XKR6: variants seen among roughly 807,000 people sequenced by gnomAD.
XKR6 encodes the protein XK related 6.
In XKR6, 22 loss-of-function variants were observed where a neutral mutation model predicts 56.7. The ratio of observed to expected loss-of-function variants is 0.39; its 90% CI spans 0.28 to 0.55. The LOEUF is 0.55. Among genes scored for constraint, XKR6 ranks in the 20% least tolerant of loss-of-function variants. XKR6 has a pLI of 0.66. For synonymous variants in XKR6, 524 were observed against 387.8 expected, an observed-to-expected ratio of 1.35 and a Z score of -4.13; for missense variants, 852 against 889.0, an observed-to-expected ratio of 0.96 and a Z score of 0.53.
At position 11,080,965 on chromosome 8, in the gene XKR6, G is replaced by A. The variant is rs117128854; in HGVS notation, c.764+119611C>T. 2.6e-3 allele frequency among the ~76,000 whole-genome samples: 392 copies of A among 152,286 alleles called. 1 individual carries two copies. The highest frequency in any genetic ancestry group is 4.1e-3 in the Admixed American group (63 of 15,296). ...ATGACAAGGAGAAAAAAATTCACAG[G>A]ACATATCAATGGCAAATAATCAAGA... On this transcript the variant is annotated intron_variant, in intron 1 of 2. Coordinates refer to ENST00000416569, the MANE Select transcript of XKR6 (RefSeq NM_173683.4).
chr8:11,092,192 G>C (rs1323437169), intron 1 of XKR6, among the ~76,000 whole-genome samples: 2 of 152,204 alleles, frequency 1.3e-5, no homozygotes, highest in African/African-American at 4.8e-5. Flanking sequence ...TGCGATAAGG[G>C]ACTGTGAACT....
intron 1 of XKR6, chr8:11,106,513 G>C (rs1798681837): frequency 6.6e-6 from 1 of 152,334 alleles, no homozygotes; most frequent in African/African-American, 2.4e-5. Context: ...CAGATGTCCA[G>C]TGGAGACAAC....
intron 1 of XKR6, among the ~76,000 whole-genome samples, chr8:10,959,286 A>C (rs1801991579): frequency 6.6e-6 from 1 of 152,076 alleles, no homozygotes; most frequent in Non-Finnish European, 1.5e-5. Context: ...GCCATGTAGA[A>C]AGGGACACTG....
intron 2 of XKR6, 132 bp from the exon 3 acceptor site, chr8:10,899,048 A>T: frequency 1.4e-6 from 2 of 1,387,322 alleles, no homozygotes; most frequent in Non-Finnish European, 1.9e-6. Context: ...ACACAGAATC[A>T]GGAACCGAAC....
intron 1 of XKR6, among the ~76,000 whole-genome samples, chr8:11,172,577 G>A (rs1315549602): frequency 1.3e-5 from 2 of 152,270 alleles, no homozygotes; most frequent in East Asian, 3.9e-4. Context: ...TGACCTCCCT[G>A]TTCTGAGCAG....
intron 1 of XKR6, among the ~76,000 whole-genome samples, chr8:11,001,197 G>A (rs1299527667): frequency 6.6e-6 from 1 of 152,322 alleles, no homozygotes; most frequent in South Asian, 2.1e-4. Flanking sequence ...CCACAACTCA[G>A]TGAAGGAAGA....
At chr8:10,971,607 A>C (rs1802412935) in intron 1 of XKR6, among the ~76,000 whole-genome samples, 1 of 152,112 alleles carries the variant, frequency 6.6e-6, no homozygotes, top group Non-Finnish European at 1.5e-5. Flanking sequence ...GAAGTTGAGC[A>C]ACTTACCTGA....
At chr8:11,153,333 T>C (rs920215634) in intron 1 of XKR6, among the ~76,000 whole-genome samples, 2 of 152,194 alleles carry the variant, frequency 1.3e-5, no homozygotes, top group Non-Finnish European at 2.9e-5. Context: ...CTCGTGCATG[T>C]AGCATGTATA....
intron 1 of XKR6, among the ~76,000 whole-genome samples, chr8:10,969,950 T>C (rs988420773): frequency 6.6e-6 from 1 of 152,256 alleles, no homozygotes; most frequent in East Asian, 1.9e-4. Flanking sequence ...ATGTGGGGTC[T>C]CTACCGAAAC....
intron 1 of XKR6, among the ~76,000 whole-genome samples, chr8:11,155,264 G>A (rs1429412300): frequency 6.6e-6 from 1 of 152,210 alleles, no homozygotes; most frequent in Non-Finnish European, 1.5e-5. Flanking sequence ...TAACATTTGG[G>A]CAGATTGGAT....
chr8:11,008,228 C>T (rs148225578), intron 1 of XKR6, among the ~76,000 whole-genome samples: 1 of 152,100 alleles, frequency 6.6e-6, no homozygotes, highest in Non-Finnish European at 1.5e-5. Context: ...CCAATCCATC[C>T]CACCCCACCA....
intron 1 of XKR6, among the ~76,000 whole-genome samples, chr8:11,143,985 T>G (rs1563170959): frequency 6.6e-6 from 1 of 152,148 alleles, no homozygotes; most frequent in South Asian, 2.1e-4. Flanking sequence ...GCCTTTCCTC[T>G]GTGCATGTGT....
intron 1 of XKR6, among the ~76,000 whole-genome samples, chr8:11,052,421 G>A (rs953126699): frequency 2.0e-5 from 3 of 152,170 alleles, no homozygotes; most frequent in Non-Finnish European, 4.4e-5. Context: ...ATGCAAACTC[G>A]AAGATAGGAA....
In XKR6 at chr8:11,188,039, A is replaced by G. The variant is rs545633140; in HGVS notation, c.764+12537T>C. ...TGGCCTTAATCCTGTTTTTTTTTCT[A>G]CAGCCCTGTTATTTTTAGTGTATGA... On this transcript the variant is annotated intron_variant, in intron 1 of 2. Transcript: ENST00000416569. Among the ~76,000 whole-genome samples, 5 of 151,756 alleles carry G rather than the reference A, an allele frequency of 3.3e-5. No individual in the cohort carries two copies. In the South Asian group the frequency reaches 8.3e-4, roughly 25 times the overall value.
chr8:11,102,978 A>C (rs1222325470), intron 1 of XKR6, among the ~76,000 whole-genome samples: 1 of 152,222 alleles, frequency 6.6e-6, no homozygotes, highest in Non-Finnish European at 1.5e-5. Flanking sequence ...CACAAAGATT[A>C]GAGAAACGGC....
intron 1 of XKR6, among the ~76,000 whole-genome samples, chr8:11,056,237 C>G (rs1249613824): frequency 6.6e-6 from 1 of 152,202 alleles, no homozygotes; most frequent in African/African-American, 2.4e-5. Context: ...TTACTATTCC[C>G]AGGGGATTGC....
chr8:11,051,531 A>G (rs1278797284), intron 1 of XKR6, among the ~76,000 whole-genome samples: 1 of 152,084 alleles, frequency 6.6e-6, no homozygotes, highest in Non-Finnish European at 1.5e-5. Context: ...CCATCACATT[A>G]TCCAGTTGCT....
chr8:10,911,537 G>A (rs1800366759), intron 2 of XKR6, among the ~76,000 whole-genome samples: 1 of 146,886 alleles, frequency 6.8e-6, no homozygotes, highest in South Asian at 2.1e-4. Context: ...GAGAGGGGGT[G>A]AATATATATA....
intron 1 of XKR6, chr8:11,138,277 C>A (rs1586600527): frequency 6.5e-6 from 1 of 152,894 alleles, no homozygotes; most frequent in Admixed American, 6.5e-5. Flanking sequence ...GACTCTCCCA[C>A]CATCTTCTCC....
Sources: gnomAD v4.1 joint callset for allele counts (sites outside exome capture counted in the v4.1 genomes callset) on GRCh38, gnomAD v4.1.1 for gene constraint, MANE v1.5 for transcripts, NCBI Gene and HGNC (gene_info 2026-07-23, HGNC 2026-07-21) for gene names.